The following LCORL variants were observed in gnomAD, a reference collection of about 807,000 sequenced individuals.
LCORL encodes the protein ligand dependent nuclear receptor corepressor like.
Under a neutral mutation model 141.8 loss-of-function variants are expected in LCORL, and 41 were observed. The observed-to-expected ratio is 0.29, with a 90% CI of 0.23 to 0.38. The LOEUF (loss-of-function observed/expected upper bound fraction) is 0.38, where lower values mean the gene tolerates loss of function less well. Ranked by LOEUF, LCORL falls within the 10% of genes least tolerant of loss-of-function variation. The pLI, the probability that LCORL is intolerant of heterozygous loss-of-function variation, is 1.00. For synonymous variants in LCORL, 618 were observed against 694.1 expected, an observed-to-expected ratio of 0.89 and a Z score of 1.72; for missense variants, 1,759 against 2,035.0, an observed-to-expected ratio of 0.86 and a Z score of 2.61.
At chr4:17,909,998 C>A (rs1015966134) in intron 4 of LCORL, among the ~76,000 whole-genome samples, 3 of 152,144 alleles carry the variant, frequency 2.0e-5, no homozygotes, top group African/African-American at 7.2e-5. Context: ...TGTAGAACCA[C>A]TGAAACTGTA....
chr4:17,957,762 T>G (rs1435057136), intron 4 of LCORL, among the ~76,000 whole-genome samples: 1 of 151,964 alleles, frequency 6.6e-6, no homozygotes, highest in Non-Finnish European at 1.5e-5. Flanking sequence ...TAAATGCAGC[T>G]CATAATGGTA....
chr4:17,938,722 T>C (rs955951516), intron 4 of LCORL, among the ~76,000 whole-genome samples: 2 of 152,158 alleles, frequency 1.3e-5, no homozygotes, highest in Non-Finnish European at 2.9e-5. Flanking sequence ...CCTGTAACTG[T>C]TTCTAAAGTT....
At chr4:17,970,054 C>A (rs1330578076) in intron 2 of LCORL, among the ~76,000 whole-genome samples, 2 of 152,112 alleles carry the variant, frequency 1.3e-5, no homozygotes, top group Non-Finnish European at 2.9e-5. Flanking sequence ...CAGAAAACTT[C>A]TATCACCACT....
intron 2 of LCORL, among the ~76,000 whole-genome samples, chr4:17,969,726 TA>T (rs1210905758): frequency 6.6e-6 from 1 of 152,204 alleles, no homozygotes; most frequent in Non-Finnish European, 1.5e-5. Flanking sequence ...TGTTCATTCG[TA>T]AACTCAGCAG....
chr4:17,912,249 C>A, intron 4 of LCORL: 1 of 722,768 alleles, frequency 1.4e-6, no homozygotes, highest in Non-Finnish European at 2.6e-6. Flanking sequence ...ACATTATGGG[C>A]TCCTGCAAGG....
intron 4 of LCORL, among the ~76,000 whole-genome samples, chr4:17,921,219 G>C (rs1433969625): frequency 1.3e-5 from 2 of 151,834 alleles, no homozygotes. Flanking sequence ...GTAGAGACAG[G>C]GTTTCACCAT....
In LCORL at chr4:17,963,641, A is replaced by AT. The variant is rs34710064; in HGVS notation, c.221-593dup. On this transcript the variant is annotated intron_variant, in intron 2 of 7. Transcript: ENST00000635767. ...GTATATTATTTAATATAAAACATAG[A>AT]TTTTTTTTTTCCAGAAGAATATTCC... 8.0e-4 allele frequency among the ~76,000 whole-genome samples: 121 copies of AT among 150,700 alleles called. No homozygotes were observed. The East Asian group carries it at 0.015, about 19-fold the overall frequency.
chr4:18,019,811 T>C (rs187262773), intron 1 of LCORL, among the ~76,000 whole-genome samples: 2 of 152,358 alleles, frequency 1.3e-5, no homozygotes, highest in African/African-American at 2.4e-5. Context: ...TACCTAATTC[T>C]ACCTAAATGA....
chr4:17,857,729 G>A (rs1283139420), intron 7 of LCORL, among the ~76,000 whole-genome samples: 3 of 152,202 alleles, frequency 2.0e-5, no homozygotes, highest in Admixed American at 2.0e-4. Flanking sequence ...AAATGTAAGA[G>A]CACAAAATGT....
intron 6 of LCORL, chr4:17,881,781 A>C: frequency 2.0e-6 from 2 of 980,288 alleles, no homozygotes; most frequent in Non-Finnish European, 2.4e-6. Context: ...TTTTCCAAGT[A>C]AAATTCTGTA....
At chr4:17,865,507 TA>T (rs1271140685) in intron 7 of LCORL, among the ~76,000 whole-genome samples, 1 of 152,150 alleles carries the variant, frequency 6.6e-6, no homozygotes, top group Non-Finnish European at 1.5e-5. Flanking sequence ...TGTCTCTAAA[TA>T]ATCCATGGGC....
chr4:17,897,747 T>G (rs1418788571), intron 5 of LCORL, among the ~76,000 whole-genome samples: 3 of 152,208 alleles, frequency 2.0e-5, no homozygotes, highest in African/African-American at 7.2e-5. Flanking sequence ...ACCTTTAACA[T>G]TGACTCCTGT....
intron 4 of LCORL, among the ~76,000 whole-genome samples, chr4:17,931,237 T>C (rs1735992795): frequency 6.6e-6 from 1 of 152,144 alleles, no homozygotes. Flanking sequence ...TTAGGTTAAC[T>C]AGTGGTCTAT....
At chr4:17,902,485 T>C (rs1731039398) in intron 5 of LCORL, among the ~76,000 whole-genome samples, 2 of 152,160 alleles carry the variant, frequency 1.3e-5, no homozygotes, top group Admixed American at 1.3e-4. Context: ...ATAGACAATT[T>C]CGTTAGCGGA....
rs1348665467 is a variant in LCORL, at chr4:17,962,951, T to G, written c.300+19A>C. 6 of 1,419,268 alleles carry G rather than the reference T, an allele frequency of 4.2e-6. No individual in the cohort carries two copies. In the Admixed American group the frequency reaches 1.3e-4, roughly 31 times the overall value. 87.9% of individuals were successfully genotyped at this position (1,419,268 alleles called of 1,614,324 possible). ...ATTGTGCATTAGTTTAAAGATAATT[T>G]CATAGCACTAAAACTTACACTGACT... On this transcript the variant is annotated intron_variant, in intron 3 of 7. Coordinates refer to ENST00000635767, the Ensembl canonical transcript of LCORL.
intron 7 of LCORL, among the ~76,000 whole-genome samples, chr4:17,864,796 T>C (rs1006455899): frequency 1.3e-5 from 2 of 152,284 alleles, no homozygotes; most frequent in Admixed American, 6.5e-5. Context: ...AATAAAAGTA[T>C]TGTGAAAAGA....
intron 4 of LCORL, among the ~76,000 whole-genome samples, chr4:17,930,878 T>C (rs998910129): frequency 6.6e-6 from 1 of 152,238 alleles, no homozygotes; most frequent in African/African-American, 2.4e-5. Flanking sequence ...TCTTTTTCTA[T>C]GTTCTGGAAA....
chr4:17,864,213 T>C (rs1429234347), intron 7 of LCORL, among the ~76,000 whole-genome samples: 1 of 152,192 alleles, frequency 6.6e-6, no homozygotes, highest in Non-Finnish European at 1.5e-5. Context: ...TGATGTATAC[T>C]ATAAACCCTA....
chr4:17,848,870 G>A (rs1385285860), intron 7 of LCORL, among the ~76,000 whole-genome samples: 3 of 151,710 alleles, frequency 2.0e-5, no homozygotes, highest in African/African-American at 7.3e-5. Context: ...GGCACACCAG[G>A]AGATTATATC....
Sources: gnomAD v4.1 joint callset for allele counts (sites outside exome capture counted in the v4.1 genomes callset) on GRCh38, gnomAD v4.1.1 for gene constraint, MANE v1.5 for transcripts, NCBI Gene and HGNC (gene_info 2026-07-23, HGNC 2026-07-21) for gene names.